SLC5A11: variants seen among roughly 807,000 people sequenced by gnomAD.
SLC5A11 encodes sodium/myo-inositol cotransporter 2.
Under a neutral mutation model 69.8 loss-of-function variants are expected in SLC5A11, and 48 were observed. That is an observed-to-expected ratio of 0.69 (90% CI 0.55 to 0.87). The LOEUF (loss-of-function observed/expected upper bound fraction) is 0.87, where lower values mean the gene tolerates loss of function less well. Among genes scored for constraint, SLC5A11 ranks in the 40% least tolerant of loss-of-function variants. SLC5A11 has a pLI of 0.00. For synonymous variants in SLC5A11, 319 were observed against 342.4 expected, an observed-to-expected ratio of 0.93 and a Z score of 0.75; for missense variants, 784 against 866.1, an observed-to-expected ratio of 0.91 and a Z score of 1.19.
chr16:24,850,124 G>A (rs923949236), intron 1 of SLC5A11, among the ~76,000 whole-genome samples: 32 of 151,340 alleles, frequency 2.1e-4, no homozygotes, highest in Non-Finnish European at 4.0e-4. Context: ...ATTTGTTGTA[G>A]AGGAGAAAAA....
intron 10 of SLC5A11, among the ~76,000 whole-genome samples, chr16:24,905,269 C>CAAAA (rs34703027): frequency 3.5e-4 from 28 of 80,408 alleles, no homozygotes; most frequent in East Asian, 1.1e-3. Context: ...ACTAAAAATA[C>CAAAA]AAAAAAAAAA....
chr16:24,880,359 A>ATGGC (rs2047959233), intron 7 of SLC5A11, among the ~76,000 whole-genome samples: 4 of 152,140 alleles, frequency 2.6e-5, no homozygotes, highest in African/African-American at 9.6e-5. Context: ...TCTTTTTGAG[A>ATGGC]TGGAGACTTA....
At chr16:24,910,364 C>G in exon 15 of SLC5A11, 1 of 1,614,056 alleles carries the variant, frequency 6.2e-7, no homozygotes, top group Non-Finnish European at 8.5e-7. Flanking sequence ...GAACAAGCAC[C>G]ACCAGCAGCT....
chr16:24,858,740 G>C, exon 2 of SLC5A11: 1 of 1,611,878 alleles, frequency 6.2e-7, no homozygotes, highest in Admixed American at 1.7e-5. Flanking sequence ...CGCGGTGCTA[G>C]TTCTGTACTT....
At chr16:24,854,153 C>CA (rs2059428518) in intron 1 of SLC5A11, among the ~76,000 whole-genome samples, 2 of 152,356 alleles carry the variant, frequency 1.3e-5, no homozygotes, top group South Asian at 4.1e-4. Flanking sequence ...CGGGCAGGGA[C>CA]AGGGAGGACT....
intron 13 of SLC5A11, 34 bp downstream of exon 14, chr16:24,908,165 A>G (rs2050216585): frequency 1.8e-5 from 27 of 1,538,646 alleles, no homozygotes; most frequent in Non-Finnish European, 2.4e-5. Flanking sequence ...TGCCAGAACC[A>G]AGTGCTGCCC....
intron 9 of SLC5A11, among the ~76,000 whole-genome samples, chr16:24,892,632 A>G (rs1349471668): frequency 1.3e-5 from 2 of 152,184 alleles, no homozygotes; most frequent in Non-Finnish European, 2.9e-5. Context: ...CTGAGTGAAT[A>G]TATCACGTGT....
chr16:24,863,276 A>T (rs2046717057), intron 3 of SLC5A11, among the ~76,000 whole-genome samples: 1 of 151,964 alleles, frequency 6.6e-6, no homozygotes, highest in Non-Finnish European at 1.5e-5. Flanking sequence ...GCTAGACAGA[A>T]GTCCAAGATG....
intron 10 of SLC5A11, among the ~76,000 whole-genome samples, chr16:24,898,364 A>G (rs554536627): frequency 3.9e-5 from 6 of 152,130 alleles, no homozygotes; most frequent in African/African-American, 1.2e-4. Context: ...GGTATGCACC[A>G]TGATGCCTGG....
intron 1 of SLC5A11, among the ~76,000 whole-genome samples, chr16:24,851,163 A>C (rs1334210693): frequency 1.3e-5 from 2 of 151,482 alleles, no homozygotes; most frequent in Non-Finnish European, 2.9e-5. Flanking sequence ...ATAGGGTCTC[A>C]CTCTGTCACC....
At chr16:24,873,219 GAGAA>G (rs2047431449) in intron 5 of SLC5A11, among the ~76,000 whole-genome samples, 1 of 137,572 alleles carries the variant, frequency 7.3e-6, no homozygotes, top group African/African-American at 2.7e-5. Context: ...GGAAGGAAGA[GAGAA>G]AGGAAGGAAT....
At chr16:24,873,137 G>GAAGGA (rs1207492408) in intron 5 of SLC5A11, among the ~76,000 whole-genome samples, 1 of 131,846 alleles carries the variant, frequency 7.6e-6, no homozygotes, top group Non-Finnish European at 1.6e-5. Flanking sequence ...GACTCCGTCA[G>GAAGGA]AAGGAAAGGA....
intron 10 of SLC5A11, among the ~76,000 whole-genome samples, chr16:24,901,771 G>A (rs2049609727): frequency 6.6e-6 from 1 of 151,706 alleles, no homozygotes; most frequent in Admixed American, 6.6e-5. Context: ...CCTAGTGGTG[G>A]AGGACAAAGA....
intron 1 of SLC5A11, among the ~76,000 whole-genome samples, chr16:24,848,512 A>G (rs2059126640): frequency 6.6e-6 from 1 of 152,200 alleles, no homozygotes; most frequent in Non-Finnish European, 1.5e-5. Flanking sequence ...TAATCCCAGC[A>G]CTGTGCAGGG....
At position 24,853,676 on chromosome 16, in the gene SLC5A11, G is replaced by A. The variant is rs893289410; in HGVS notation, c.-24-4944G>A. ...GGATCCCACCCGCGGCACTGACTGC[G>A]GCCTAGAAGCAAGCAGCACAGCTAT... is the stretch of plus-strand genomic sequence containing the variant. On this transcript the variant is annotated intron_variant, in intron 1 of 15. Coordinates refer to ENST00000347898, the Ensembl canonical transcript of SLC5A11. Among the ~76,000 whole-genome samples the A allele has an allele frequency of 2.0e-4, 30 of 152,216 alleles. 2 individuals are homozygous for A. The highest frequency in any genetic ancestry group is 3.3e-4 in the Admixed American group (5 of 15,284).
At chr16:24,862,302 C>T (rs2046620818) in intron 2 of SLC5A11, among the ~76,000 whole-genome samples, 1 of 152,170 alleles carries the variant, frequency 6.6e-6, no homozygotes, top group Non-Finnish European at 1.5e-5. Flanking sequence ...AGTTATAAAA[C>T]ATCATAAACA....
chr16:24,888,572 C>T (rs1344868812), intron 8 of SLC5A11, among the ~76,000 whole-genome samples: 1 of 149,330 alleles, frequency 6.7e-6, no homozygotes, highest in African/African-American at 2.5e-5. Context: ...CAACCTCCAC[C>T]TCTTGGGTTC....
chr16:24,886,593 G>C (rs75178252), intron 8 of SLC5A11, among the ~76,000 whole-genome samples: 3 of 152,114 alleles, frequency 2.0e-5, no homozygotes, highest in African/African-American at 4.8e-5. Context: ...TATCTAGCTA[G>C]GTGTGAAGGG....
chr16:24,873,247 G>GAGGAAGGAAGGAAGGAAGGAAGGA (rs549215226), intron 5 of SLC5A11, among the ~76,000 whole-genome samples: 1 of 101,490 alleles, frequency 9.9e-6, no homozygotes, highest in Non-Finnish European at 2.0e-5. Context: ...GAGAGGGAGG[G>GAGGAAGGAAGGAAGGAAGGAAGGA]AGGAAGGAAG....
Sources: gnomAD v4.1 joint callset for allele counts (sites outside exome capture counted in the v4.1 genomes callset) on GRCh38, gnomAD v4.1.1 for gene constraint, MANE v1.5 for transcripts, NCBI Gene and HGNC (gene_info 2026-07-23, HGNC 2026-07-21) for gene names.